The following CELF5 variants were observed in gnomAD, a reference collection of about 807,000 sequenced individuals.
CELF5 encodes the protein CUGBP Elav-like family member 5, also known as CUG-BP and ETR-3 like factor 5.
CELF5 carries 6 observed loss-of-function variants against 54.9 expected under a neutral mutation model. The observed-to-expected ratio is 0.11, with a 90% CI of 0.06 to 0.22. CELF5 has a LOEUF of 0.22. Among genes scored for constraint, CELF5 ranks in the 10% least tolerant of loss-of-function variants. CELF5 has a pLI of 1.00. For missense variants in CELF5, 401 were observed against 678.6 expected (o/e 0.59, Z 4.54); for synonymous variants, 271 against 290.9 (o/e 0.93, Z 0.70).
intron 1 of CELF5, among the ~76,000 whole-genome samples, chr19:3,245,579 A>AG (rs1400209424): frequency 6.6e-6 from 1 of 151,832 alleles, no homozygotes; most frequent in Non-Finnish European, 1.5e-5. Context: ...GCAAAAAAAA[A>AG]AAAAAGGAAC....
intron 2 of CELF5, among the ~76,000 whole-genome samples, chr19:3,265,678 C>T (rs918050025): frequency 3.3e-5 from 5 of 152,190 alleles, no homozygotes; most frequent in African/African-American, 1.2e-4. Flanking sequence ...TCCCAGAAAG[C>T]TCGTGAATCA....
At chr19:3,267,251 C>T (rs879681556) in intron 2 of CELF5, among the ~76,000 whole-genome samples, 8 of 151,416 alleles carry the variant, frequency 5.3e-5, no homozygotes, top group African/African-American at 1.7e-4. Flanking sequence ...ACCAACCGCC[C>T]GGCCCAATAC....
At chr19:3,254,594 C>G (rs2079695530) in intron 2 of CELF5, among the ~76,000 whole-genome samples, 1 of 151,614 alleles carries the variant, frequency 6.6e-6, no homozygotes, top group South Asian at 2.1e-4. Flanking sequence ...TCCATCCATC[C>G]ATCCATGCAT....
intron 2 of CELF5, among the ~76,000 whole-genome samples, chr19:3,262,751 C>G (rs2079822558): frequency 1.3e-5 from 2 of 151,140 alleles, no homozygotes; most frequent in Non-Finnish European, 2.9e-5. Context: ...AGGAGCCTGG[C>G]CAACATGATG....
At chr19:3,234,346 G>T (rs112115424) in intron 1 of CELF5, among the ~76,000 whole-genome samples, 3,012 of 152,120 alleles carry the variant, frequency 0.02, 111 homozygotes, top group African/African-American at 0.069. Context: ...CAATCTTCCC[G>T]CCTTGGCCTC....
intron 11 of CELF5, among the ~76,000 whole-genome samples, chr19:3,292,252 C>A (rs1365578185): frequency 6.6e-6 from 1 of 150,710 alleles, no homozygotes; most frequent in Non-Finnish European, 1.5e-5. Context: ...CGGCCAAAGA[C>A]CAGACTGTTA....
intron 2 of CELF5, among the ~76,000 whole-genome samples, chr19:3,271,935 ACT>A (rs2079971953): frequency 6.6e-6 from 1 of 152,060 alleles, no homozygotes; most frequent in South Asian, 2.1e-4. Flanking sequence ...GAGTCCAGAA[ACT>A]CTTCACTCAC....
intron 2 of CELF5, among the ~76,000 whole-genome samples, chr19:3,255,737 T>C (rs541102105): frequency 8.5e-5 from 13 of 152,268 alleles, no homozygotes; most frequent in Non-Finnish European, 1.8e-4. Context: ...GGGTAACACT[T>C]TCTCCACCTA....
intron 2 of CELF5, among the ~76,000 whole-genome samples, chr19:3,260,271 C>A (rs1568344693): frequency 6.6e-6 from 1 of 151,708 alleles, no homozygotes; most frequent in Non-Finnish European, 1.5e-5. Context: ...CACCCACCAC[C>A]ACGCCCAGCT....
intron 9 of CELF5, among the ~76,000 whole-genome samples, chr19:3,285,517 C>T (rs1450815695): frequency 3.4e-5 from 5 of 147,966 alleles, no homozygotes; most frequent in South Asian, 4.4e-4. Context: ...CCCACTCATG[C>T]CCTTCATCCC....
chr19:3,257,782 TTTTTTTATTTATTTA>T (rs2079751165), intron 2 of CELF5, among the ~76,000 whole-genome samples: 1 of 29,208 alleles, frequency 3.4e-5, no homozygotes, highest in Admixed American at 2.6e-4. Context: ...AGCCTCCATT[TTTTTTTATTTATTTA>T]TTTATTTATT....
At chr19:3,227,884 G>A (rs889594719) in intron 1 of CELF5, among the ~76,000 whole-genome samples, 40 of 152,224 alleles carry the variant, frequency 2.6e-4, no homozygotes, top group African/African-American at 9.4e-4. Flanking sequence ...CAAGAGTGAG[G>A]CCCCCAGAGA....
chr19:3,224,839 G>A lies in CELF5; in HGVS notation c.100G>A (p.Gly34Arg), dbSNP rs1916794575. 1.9e-6 allele frequency: 3 copies of A among 1,592,466 alleles called. No homozygotes were observed. The highest frequency in any genetic ancestry group is 2.6e-6 in the Non-Finnish European group (3 of 1,170,836). ...VGSSGPEPPG[G>R]QPDGMKDLDA... ...CAGCAGCGGGCCCGAGCCCCCCGGG[G>A]GGCAGCCCGACGGCATGAAGGACCT... is the stretch of plus-strand genomic sequence containing the variant. The change falls in exon 1 of 13, where the codon GGG (glycine) becomes AGG (arginine). Residue 34 changes from glycine (G) to arginine (R), a missense_variant. Gly to Arg is a moderately radical substitution (Grantham distance 125, BLOSUM62 -2). Coordinates refer to ENST00000292672, the MANE Select transcript of CELF5 (RefSeq NM_021938.4).
At chr19:3,266,185 T>C (rs1177587230) in intron 2 of CELF5, among the ~76,000 whole-genome samples, 1 of 152,188 alleles carries the variant, frequency 6.6e-6, no homozygotes, top group East Asian at 1.9e-4. Context: ...TTTCGGGTCA[T>C]TGGGTCATTG....
At chr19:3,269,599 G>A (rs1042816960) in intron 2 of CELF5, among the ~76,000 whole-genome samples, 1 of 152,146 alleles carries the variant, frequency 6.6e-6, no homozygotes, top group Non-Finnish European at 1.5e-5. Context: ...ACCCCCCAAG[G>A]GGCCTCAGTT....
chr19:3,228,875 CGT>C lies in CELF5; in HGVS notation c.259+3916_259+3917del, dbSNP rs60632293. On this transcript the variant is annotated intron_variant, in intron 1 of 12. Transcript: ENST00000292672. This position sits in a 1 kb window ranked among gnomAD's most constrained non-coding sequence, Gnocchi z 6.0. ...GGGGGTGGCTGGCAGGGTTGGCCGG[CGT>C]GTGTGTGTGTGTGTGTGTGTGTGTG... is the stretch of plus-strand genomic sequence containing the variant. Among the ~76,000 whole-genome samples, 10,460 of 123,854 alleles carry C rather than the reference CGT, an allele frequency of 0.084. 655 individuals are homozygous for C. The highest frequency in any genetic ancestry group is 0.2 in the African/African-American group (6,373 of 31,864). 81.3% of individuals were successfully genotyped at this position (123,854 alleles called of 152,430 possible).
At chr19:3,260,683 C>G (rs1319638063) in intron 2 of CELF5, among the ~76,000 whole-genome samples, 2 of 145,582 alleles carry the variant, frequency 1.4e-5, no homozygotes, top group Non-Finnish European at 1.5e-5. Flanking sequence ...AGTGCAGTGG[C>G]GTGATCTTGG....
rs201765557 is a variant in CELF5, at chr19:3,282,342, C to T, written c.893-10C>T. On this transcript the variant is annotated splice_polypyrimidine_tract_variant and intron_variant, in intron 7 of 12. Coordinates refer to ENST00000292672, the MANE Select transcript of CELF5 (RefSeq NM_021938.4). This position sits in a 1 kb window ranked among gnomAD's most constrained non-coding sequence, Gnocchi z 5.2. ...AACTGGCCTCCCCATGACCCTCTTC[C>T]GCTCTGCAGGGCTGCACTCACCCCC... 355 of 1,608,658 alleles carry T rather than the reference C, an allele frequency of 2.2e-4. No homozygotes were observed. The highest frequency in any genetic ancestry group is 2.8e-4 in the Non-Finnish European group (335 of 1,179,844).
chr19:3,270,620 G>C (rs1480280191), intron 2 of CELF5: 1 of 148,402 alleles, frequency 6.7e-6, no homozygotes, highest in East Asian at 2.0e-4. Context: ...GGCCGGGCGG[G>C]CGGGCGGCGG....
Sources: allele counts gnomAD v4.1 joint callset (sites outside exome capture counted in the v4.1 genomes callset), GRCh38; gene constraint gnomAD v4.1.1; non-coding constraint Gnocchi (gnomAD v3.1); transcripts MANE v1.5; gene names NCBI Gene and HGNC (gene_info 2026-07-23, HGNC 2026-07-21).